The following EYA3 variants were observed in gnomAD, a reference collection of about 807,000 sequenced individuals.
EYA3 encodes the protein EYA transcriptional coactivator and phosphatase 3.
EYA3 carries 39 observed loss-of-function variants against 80.0 expected under a neutral mutation model. The ratio of observed to expected loss-of-function variants is 0.49; its 90% CI spans 0.38 to 0.64. The LOEUF (loss-of-function observed/expected upper bound fraction) is 0.64. EYA3 is among the 30% of genes least tolerant of loss of function. EYA3 has a pLI of 0.00. For synonymous variants in EYA3, 206 were observed against 232.8 expected, an observed-to-expected ratio of 0.88 and a Z score of 1.05; for missense variants, 523 against 676.1, an observed-to-expected ratio of 0.77 and a Z score of 2.51.
chr1:28,030,709 G>A (rs1197165867), intron 6 of EYA3, among the ~76,000 whole-genome samples: 3 of 152,124 alleles, frequency 2.0e-5, no homozygotes, highest in African/African-American at 4.8e-5. Flanking sequence ...AATTAGAAGC[G>A]TTTGCCCCAT....
At chr1:28,002,654 A>G (rs1157609738) in intron 11 of EYA3, among the ~76,000 whole-genome samples, 2 of 151,940 alleles carry the variant, frequency 1.3e-5, no homozygotes, top group East Asian at 3.9e-4. Context: ...CTACAAAAAT[A>G]AAACAAAATT....
intron 7 of EYA3, 133 bp downstream of exon 7, chr1:28,027,656 G>T: frequency 1.7e-6 from 2 of 1,155,012 alleles, no homozygotes; most frequent in Non-Finnish European, 2.5e-6. Flanking sequence ...ACAAATCCAA[G>T]TATCACCCCC....
intron 1 of EYA3, among the ~76,000 whole-genome samples, chr1:28,083,205 A>C (rs550552110): frequency 6.6e-6 from 1 of 152,300 alleles, no homozygotes; most frequent in Non-Finnish European, 1.5e-5. Context: ...CAGTTTCCTT[A>C]TATGTAAAAT....
At chr1:28,023,116 T>G in intron 7 of EYA3, among the ~76,000 whole-genome samples, 1 of 150,398 alleles carries the variant, frequency 6.6e-6, no homozygotes, top group African/African-American at 2.5e-5. Flanking sequence ...ACTAAAAAAA[T>G]GGGAGTATGT....
intron 3 of EYA3, among the ~76,000 whole-genome samples, chr1:28,044,276 T>C (rs1015024858): frequency 1.3e-5 from 2 of 152,246 alleles, no homozygotes; most frequent in South Asian, 4.1e-4. Context: ...TATTCTATTC[T>C]GCCAATAACT....
chr1:28,062,956 T>C (rs1366178832), intron 1 of EYA3, among the ~76,000 whole-genome samples: 2 of 149,166 alleles, frequency 1.3e-5, no homozygotes, highest in Non-Finnish European at 3.0e-5. Flanking sequence ...GAGCCGAGAT[T>C]GCACCACTGC....
At chr1:28,069,589 A>G (rs1342498975) in intron 1 of EYA3, among the ~76,000 whole-genome samples, 1 of 147,302 alleles carries the variant, frequency 6.8e-6, no homozygotes, top group African/African-American at 2.5e-5. Context: ...AGAAAAAAAA[A>G]GAGGGTGGGA....
At chr1:28,018,563 C>T (rs542827484) in intron 7 of EYA3, among the ~76,000 whole-genome samples, 2 of 152,304 alleles carry the variant, frequency 1.3e-5, no homozygotes, top group East Asian at 3.9e-4. Context: ...AGTAAGAAAA[C>T]TTCCATTGAG....
At chr1:28,008,498 T>C (rs1042377489) in intron 10 of EYA3, among the ~76,000 whole-genome samples, 1 of 151,758 alleles carries the variant, frequency 6.6e-6, no homozygotes, top group Non-Finnish European at 1.5e-5. Context: ...AGCACAAAAA[T>C]TGAGAGAGTG....
chr1:28,050,235 C>A (rs1571898016), intron 2 of EYA3, among the ~76,000 whole-genome samples: 1 of 149,078 alleles, frequency 6.7e-6, no homozygotes, highest in Admixed American at 6.8e-5. Flanking sequence ...TTCTGTCACC[C>A]AGGCTGGAGT....
chr1:28,051,886 T>G (rs1454614738), intron 2 of EYA3, among the ~76,000 whole-genome samples: 1 of 151,456 alleles, frequency 6.6e-6, no homozygotes, highest in Non-Finnish European at 1.5e-5. Flanking sequence ...GCTGGCTGCA[T>G]TAAAGAAATT....
chr1:28,037,648 T>C (rs539162203), intron 5 of EYA3, among the ~76,000 whole-genome samples: 1 of 152,334 alleles, frequency 6.6e-6, no homozygotes, highest in South Asian at 2.1e-4. Flanking sequence ...GTTCAGTTAT[T>C]TCACAGAAGA....
At chr1:28,029,786 G>A (rs1171179985) in intron 6 of EYA3, among the ~76,000 whole-genome samples, 3 of 151,732 alleles carry the variant, frequency 2.0e-5, no homozygotes, top group Non-Finnish European at 4.4e-5. Context: ...GTAAAGATGG[G>A]GTTTCACTAT....
intron 11 of EYA3, among the ~76,000 whole-genome samples, chr1:28,003,057 C>A (rs1323995595): frequency 6.7e-6 from 1 of 149,934 alleles, no homozygotes; most frequent in South Asian, 2.1e-4. Context: ...GAGATCAAGA[C>A]CATCCTGGCT....
rs1390277078 is a variant in EYA3, at chr1:28,007,169, T to G, written c.910-2750A>C. ...TTTTGCCACGTTGACCAGGCTGGTC[T>G]CAAATTCCTGACCTCAGGTGATCTG... On this transcript the variant is annotated intron_variant, in intron 10 of 17. Transcript: ENST00000373871. Among the ~76,000 whole-genome samples, 4 of 151,850 alleles carry G rather than the reference T, an allele frequency of 2.6e-5. No homozygotes were observed. In the South Asian group the frequency reaches 8.3e-4, roughly 32 times the overall value.
chr1:28,005,185 G>C (rs1301704617), intron 10 of EYA3, among the ~76,000 whole-genome samples: 3 of 152,168 alleles, frequency 2.0e-5, no homozygotes, highest in Non-Finnish European at 4.4e-5. Context: ...TAAGGAGATT[G>C]AATGCATAAT....
chr1:28,053,541 G>GAA (rs1644342987), intron 2 of EYA3, among the ~76,000 whole-genome samples: 1 of 152,162 alleles, frequency 6.6e-6, no homozygotes, highest in Non-Finnish European at 1.5e-5. Flanking sequence ...TTCACTGCGT[G>GAA]TCTTTTCTGT....
intron 10 of EYA3, among the ~76,000 whole-genome samples, chr1:28,007,197 C>G (rs1641346196): frequency 1.3e-5 from 2 of 151,882 alleles, no homozygotes; most frequent in South Asian, 4.2e-4. Context: ...GTGATCTGCC[C>G]ACAAAGTGCT....
At chr1:28,030,361 T>C (rs1172296488) in intron 6 of EYA3, among the ~76,000 whole-genome samples, 1 of 152,190 alleles carries the variant, frequency 6.6e-6, no homozygotes, top group Non-Finnish European at 1.5e-5. Context: ...GGTGCAATCA[T>C]AGCTCACTGC....
Sources: gnomAD v4.1 joint callset for allele counts (sites outside exome capture counted in the v4.1 genomes callset) on GRCh38, gnomAD v4.1.1 for gene constraint, MANE v1.5 for transcripts, NCBI Gene and HGNC (gene_info 2026-07-23, HGNC 2026-07-21) for gene names.